SSR1: variants seen among roughly 807,000 people sequenced by gnomAD.
SSR1 encodes translocon-associated protein subunit alpha.
In SSR1, 13 loss-of-function variants were observed where a neutral mutation model predicts 36.1. The observed-to-expected ratio is 0.36, with a 90% CI of 0.23 to 0.57. The LOEUF is 0.57. SSR1 is among the 20% of genes least tolerant of loss of function. The pLI, the probability that SSR1 is intolerant of heterozygous loss-of-function variation, is 0.81. For missense variants in SSR1, 291 were observed against 338.5 expected, an observed-to-expected ratio of 0.86 and a Z score of 1.10; for synonymous variants, 113 against 118.9, an observed-to-expected ratio of 0.95 and a Z score of 0.32.
intron 2 of SSR1, among the ~76,000 whole-genome samples, chr6:7,305,344 G>A (rs1452518695): frequency 6.6e-6 from 1 of 152,188 alleles, no homozygotes; most frequent in African/African-American, 2.4e-5. Flanking sequence ...GCTACAACAG[G>A]ATAACAACGG....
In SSR1 at chr6:7,286,916, CAAAAAAAAAAAA is replaced by C. The variant is rs55986029; in HGVS notation, c.*2936_*2947del. On this transcript the variant is annotated 3_prime_UTR_variant, in exon 8 of 8. Coordinates refer to ENST00000244763, the MANE Select transcript of SSR1 (RefSeq NM_003144.5). ...GACACAGAGACTCCGTCTCAGGGGG[CAAAAAAAAAAAA>C]AAAAAAAAAAGTACTATGGAAGTAC... 1 of 87,890 alleles carries C rather than the reference CAAAAAAAAAAAA, an allele frequency of 1.1e-5. No homozygotes were observed. Among genetic ancestry groups the C allele is most frequent in the African/African-American group, 4.5e-5 (1 of 22,010 alleles). 5.4% of individuals were successfully genotyped at this position (87,890 alleles called of 1,614,324 possible).
chr6:7,295,212 A>C (rs2113279711), intron 7 of SSR1, 180 bp downstream of exon 7: 1 of 1,219,352 alleles, frequency 8.2e-7, no homozygotes, highest in East Asian at 2.6e-5. Flanking sequence ...AAGCATAAGA[A>C]GACTACACAC....
intron 2 of SSR1, among the ~76,000 whole-genome samples, chr6:7,306,925 G>C (rs921644361): frequency 2.8e-5 from 4 of 143,204 alleles, no homozygotes; most frequent in South Asian, 4.5e-4. Flanking sequence ...TGGGTGGTGG[G>C]GGGGTGGGGG....
chr6:7,294,294 C>T (rs1561830271), intron 7 of SSR1, among the ~76,000 whole-genome samples: 1 of 152,086 alleles, frequency 6.6e-6, no homozygotes, highest in Admixed American at 6.5e-5. Flanking sequence ...AAGTTGTAGA[C>T]AGCATGATGC....
At chr6:7,292,716 C>G (rs1757709616) in intron 7 of SSR1, among the ~76,000 whole-genome samples, 1 of 136,678 alleles carries the variant, frequency 7.3e-6, no homozygotes, top group African/African-American at 2.6e-5. Flanking sequence ...AATTGTAATT[C>G]CTCTCCTTTA....
rs1177730479 is a variant in SSR1, at chr6:7,282,669, G to C, written c.*7195C>G. 1 of 152,268 alleles carries C rather than the reference G, an allele frequency of 6.6e-6. No individual in the cohort carries two copies. The highest frequency in any genetic ancestry group is 2.4e-5 in the African/African-American group (1 of 41,456). The allele number at this position is 152,268 out of a possible 1,614,324, so 9.4% of individuals were successfully genotyped here. ...TATAAACCAGATGTGTGCTAGCTGG[G>C]TGGACTTCAAGTAAGGAGTCAAGAC... On this transcript the variant is annotated 3_prime_UTR_variant, in exon 8 of 8. Transcript: ENST00000244763.
chr6:7,294,968 A>G, intron 7 of SSR1: 9 of 863,112 alleles, frequency 1.0e-5, no homozygotes, highest in Non-Finnish European at 1.3e-5. Flanking sequence ...TAGTTTTTCT[A>G]ATAAAATGTA....
At position 7,281,291 on chromosome 6, in the gene SSR1, C is replaced by G. The variant is rs1757414236; in HGVS notation, c.*8573G>C. ...TTCCATCTTGGCTTTACCACACTTA[C>G]AAACTGATACCCAAATAACAGAAAT... On this transcript the variant is annotated 3_prime_UTR_variant, in exon 8 of 8. Transcript: ENST00000244763. The G allele has an allele frequency of 6.6e-6, 1 of 152,130 alleles. No homozygotes were observed. Among genetic ancestry groups the G allele is most frequent in the African/African-American group, 2.4e-5 (1 of 41,452 alleles). 9.4% of individuals were successfully genotyped at this position (152,130 alleles called of 1,614,324 possible).
chr6:7,303,177 T>A (rs1246396722), intron 3 of SSR1, among the ~76,000 whole-genome samples: 4 of 146,084 alleles, frequency 2.7e-5, no homozygotes, highest in Non-Finnish European at 4.5e-5. Flanking sequence ...CAAAGTTACT[T>A]TGCTGTGGCA....
intron 2 of SSR1, among the ~76,000 whole-genome samples, chr6:7,303,951 A>G (rs2477483): frequency 0.74 from 113,164 of 152,192 alleles, 42,548 homozygotes; most frequent in African/African-American, 0.82. Flanking sequence ...GCCCCAATGC[A>G]AGACTCCGAC....
intron 2 of SSR1, among the ~76,000 whole-genome samples, chr6:7,306,872 A>G (rs905577081): frequency 1.0e-4 from 14 of 135,216 alleles, no homozygotes; most frequent in Admixed American, 3.1e-4. Flanking sequence ...GCGGAGATCC[A>G]CGCCACTGCA....
intron 2 of SSR1, among the ~76,000 whole-genome samples, chr6:7,306,875 C>G (rs1279912884): frequency 6.7e-6 from 1 of 149,224 alleles, no homozygotes; most frequent in Non-Finnish European, 1.5e-5. Context: ...GAGATCCACG[C>G]CACTGCACTC....
Position 7,282,871 on chromosome 6 carries a change from A to G in SSR1, c.*6993T>C, listed in dbSNP as rs1757459339. ...AACTTGATTATGAACTGGATGACATATCAAATGCAAGGCCTTAAAATGCAT... is the reference window on the plus strand; with the variant it reads ...AACTTGATTATGAACTGGATGACATGTCAAATGCAAGGCCTTAAAATGCAT... On this transcript the variant is annotated 3_prime_UTR_variant, in exon 8 of 8. Transcript: ENST00000244763. 1 of 152,220 alleles carries G rather than the reference A, an allele frequency of 6.6e-6. No individual in the cohort carries two copies. Among genetic ancestry groups the G allele is most frequent in the African/African-American group, 2.4e-5 (1 of 41,456 alleles). The allele number at this position is 152,220 out of a possible 1,614,324, so 9.4% of individuals were successfully genotyped here.
At chr6:7,312,623 G>C (rs913019018) in intron 1 of SSR1, among the ~76,000 whole-genome samples, 1 of 152,244 alleles carries the variant, frequency 6.6e-6, no homozygotes, top group Non-Finnish European at 1.5e-5. Flanking sequence ...CCCTGAGCGC[G>C]AGGGGCTGGG....
At chr6:7,291,086 G>T (rs1757670194) in intron 7 of SSR1, among the ~76,000 whole-genome samples, 1 of 151,782 alleles carries the variant, frequency 6.6e-6, no homozygotes, top group Admixed American at 6.6e-5. Flanking sequence ...ATTTTTCAAA[G>T]AAATCTCCTT....
At position 7,284,726 on chromosome 6, in the gene SSR1, T is replaced by TC. The variant is rs1050020620; in HGVS notation, c.*5137_*5138insG. 1.2e-4 allele frequency: 18 copies of TC among 152,162 alleles called. No individual in the cohort carries two copies. The highest frequency in any genetic ancestry group is 4.3e-4 in the African/African-American group (18 of 41,496). 9.4% of individuals were successfully genotyped at this position (152,162 alleles called of 1,614,324 possible). On this transcript the variant is annotated 3_prime_UTR_variant, in exon 8 of 8. Coordinates refer to ENST00000244763, the MANE Select transcript of SSR1 (RefSeq NM_003144.5). ...GACATGAGCGTTTCCTTTTTTTTTT[T>TC]TTCTCTTTTGCTAAGTAAAAAGTAG...
intron 4 of SSR1, among the ~76,000 whole-genome samples, chr6:7,300,494 T>C (rs923257158): frequency 1.8e-4 from 27 of 152,214 alleles, no homozygotes; most frequent in African/African-American, 6.5e-4. Flanking sequence ...CTGCTGAAAC[T>C]ACATTGAAAA....
intron 1 of SSR1, among the ~76,000 whole-genome samples, chr6:7,311,042 T>TA (rs1758184074): frequency 6.6e-6 from 1 of 152,266 alleles, no homozygotes; most frequent in South Asian, 2.1e-4. Flanking sequence ...CAAATATCTG[T>TA]AATCATATCC....
At chr6:7,304,332 A>G (rs1311996287) in intron 2 of SSR1, among the ~76,000 whole-genome samples, 1 of 152,070 alleles carries the variant, frequency 6.6e-6, no homozygotes, top group Non-Finnish European at 1.5e-5. Flanking sequence ...ATTCAACTCA[A>G]CTCTGGGGCT....
Sources: gnomAD v4.1 joint callset for allele counts (sites outside exome capture counted in the v4.1 genomes callset) on GRCh38, gnomAD v4.1.1 for gene constraint, MANE v1.5 for transcripts, NCBI Gene and HGNC (gene_info 2026-07-23, HGNC 2026-07-21) for gene names.